SHOC2: variants seen among roughly 807,000 people sequenced by gnomAD.
SHOC2 encodes SHOC2 leucine rich repeat scaffold protein, also known as leucine-rich repeat protein SHOC-2.
In SHOC2, 4 loss-of-function variants were observed where a neutral mutation model predicts 50.2. The observed-to-expected ratio is 0.08, with a 90% CI of 0.04 to 0.18. The LOEUF (loss-of-function observed/expected upper bound fraction) is 0.18. Among genes scored for constraint, SHOC2 ranks in the 10% least tolerant of loss-of-function variants. SHOC2 has a pLI of 1.00. For synonymous variants in SHOC2, 218 were observed against 244.5 expected (o/e 0.89, Z 1.01); for missense variants, 388 against 669.6 (o/e 0.58, Z 4.64).
At chr10:110,949,810 T>G (rs1052670572) in intron 1 of SHOC2, among the ~76,000 whole-genome samples, 4 of 152,110 alleles carry the variant, frequency 2.6e-5, no homozygotes, top group African/African-American at 9.7e-5. Context: ...TACAACACAT[T>G]AACAGAATGA....
chr10:110,975,103 T>G (rs1366608472), intron 2 of SHOC2, among the ~76,000 whole-genome samples: 2 of 151,898 alleles, frequency 1.3e-5, no homozygotes, highest in African/African-American at 4.8e-5. Flanking sequence ...AAATTTTAGT[T>G]AATTTCATCA....
At chr10:110,962,439 C>G (rs1382434837) in intron 1 of SHOC2, among the ~76,000 whole-genome samples, 1 of 152,102 alleles carries the variant, frequency 6.6e-6, no homozygotes, top group Non-Finnish European at 1.5e-5. Context: ...TTCTTAGTCT[C>G]TCTCCATCGC....
chr10:110,937,924 G>A (rs1639233899), intron 1 of SHOC2, among the ~76,000 whole-genome samples: 1 of 152,186 alleles, frequency 6.6e-6, no homozygotes, highest in South Asian at 2.1e-4. Flanking sequence ...TTAGGGTTTA[G>A]TTTTAGAGTG....
At chr10:111,002,519 T>C (rs1400254147) in intron 4 of SHOC2, among the ~76,000 whole-genome samples, 1 of 152,212 alleles carries the variant, frequency 6.6e-6, no homozygotes, top group Non-Finnish European at 1.5e-5. Context: ...GAACCACATA[T>C]TCCCAAGGCT....
chr10:110,967,977 A>G (rs1847709044), intron 2 of SHOC2, among the ~76,000 whole-genome samples: 1 of 152,188 alleles, frequency 6.6e-6, no homozygotes, highest in African/African-American at 2.4e-5. Context: ...TCTCTTGAGT[A>G]TATACCTAGT....
At chr10:110,926,482 A>G (rs1457013771) in intron 1 of SHOC2, among the ~76,000 whole-genome samples, 1 of 152,194 alleles carries the variant, frequency 6.6e-6, no homozygotes, top group Non-Finnish European at 1.5e-5. Flanking sequence ...ACAATTTTTA[A>G]AAGTTTGGTA....
At chr10:110,925,253 T>C (rs960081274) in intron 1 of SHOC2, among the ~76,000 whole-genome samples, 13 of 152,044 alleles carry the variant, frequency 8.6e-5, no homozygotes, top group African/African-American at 3.1e-4. Context: ...ACACTTTCCA[T>C]ACTTACTTGA....
At chr10:110,957,538 C>G (rs979187676) in intron 1 of SHOC2, among the ~76,000 whole-genome samples, 3 of 150,518 alleles carry the variant, frequency 2.0e-5, no homozygotes, top group Non-Finnish European at 3.0e-5. Flanking sequence ...AGATACCCCC[C>G]CCCCAGCCCA....
chr10:110,954,792 G>GTC (rs1331827778), intron 1 of SHOC2, among the ~76,000 whole-genome samples: 65 of 152,182 alleles, frequency 4.3e-4, no homozygotes, highest in Non-Finnish European at 9.1e-4. Flanking sequence ...ATATTATAAA[G>GTC]AGTCAGCCAT....
chr10:110,981,513 G>T (rs1456365136), intron 2 of SHOC2, among the ~76,000 whole-genome samples: 1 of 152,142 alleles, frequency 6.6e-6, no homozygotes, highest in African/African-American at 2.4e-5. Flanking sequence ...CCTTTTTCTT[G>T]TGAGGACAGG....
intron 1 of SHOC2, among the ~76,000 whole-genome samples, chr10:110,927,497 C>G (rs909344814): frequency 6.6e-6 from 1 of 152,126 alleles, no homozygotes; most frequent in African/African-American, 2.4e-5. Flanking sequence ...ATGATTTAAT[C>G]TTGAAGACAT....
At chr10:110,930,493 A>T (rs1846871523) in intron 1 of SHOC2, among the ~76,000 whole-genome samples, 1 of 152,154 alleles carries the variant, frequency 6.6e-6, no homozygotes, top group African/African-American at 2.4e-5. Context: ...TTAGTTTAAA[A>T]GGTCTGAAAA....
chr10:110,984,881 T>G (rs1848048874), intron 2 of SHOC2, among the ~76,000 whole-genome samples: 1 of 152,146 alleles, frequency 6.6e-6, no homozygotes, highest in South Asian at 2.1e-4. Context: ...GATTTCATAT[T>G]TGAAAGCTGG....
intron 1 of SHOC2, chr10:110,936,550 A>C (rs1353967836): frequency 3.1e-6 from 2 of 641,056 alleles, no homozygotes; most frequent in African/African-American, 3.9e-5. Context: ...ATTAGTCTGC[A>C]TCAGCTTTTC....
intron 1 of SHOC2, among the ~76,000 whole-genome samples, chr10:110,922,092 C>T (rs1846664299): frequency 6.6e-6 from 1 of 151,984 alleles, no homozygotes; most frequent in African/African-American, 2.4e-5. Context: ...AAATTTGAAA[C>T]ATTTCATGTT....
At chr10:111,005,103 TA>T (rs1378706939) in intron 5 of SHOC2, among the ~76,000 whole-genome samples, 2 of 152,056 alleles carry the variant, frequency 1.3e-5, no homozygotes. Flanking sequence ...GCTTGGGCAA[TA>T]TAGTGAGACC....
At chr10:111,000,609 A>G in intron 4 of SHOC2, 64 bp downstream of exon 4, 1 of 1,433,776 alleles carries the variant, frequency 7.0e-7, no homozygotes, top group Admixed American at 1.7e-5. Flanking sequence ...AAGGAAAGCT[A>G]GTAAATCTTT....
chr10:111,010,546 G>A (rs56005122), intron 8 of SHOC2, among the ~76,000 whole-genome samples: 1 of 152,030 alleles, frequency 6.6e-6, no homozygotes, highest in Non-Finnish European at 1.5e-5. Context: ...GTAGCGGGAG[G>A]GGGGAAGGAT....
chr10:110,935,583 G>A (rs986049306), intron 1 of SHOC2, among the ~76,000 whole-genome samples: 1 of 152,078 alleles, frequency 6.6e-6, no homozygotes, highest in African/African-American at 2.4e-5. Flanking sequence ...AAATTTGGGA[G>A]TTAGGGGAGT....
Sources: allele counts gnomAD v4.1 joint callset (sites outside exome capture counted in the v4.1 genomes callset), GRCh38; gene constraint gnomAD v4.1.1; transcripts MANE v1.5; gene names NCBI Gene and HGNC (gene_info 2026-07-23, HGNC 2026-07-21).